The following PRKCE variants were observed in gnomAD, a reference collection of about 807,000 sequenced individuals.
The protein encoded by PRKCE is protein kinase C epsilon type.
Under a neutral mutation model 85.4 loss-of-function variants are expected in PRKCE, and 16 were observed. That is an observed-to-expected ratio of 0.19 (90% CI 0.13 to 0.28). The LOEUF (loss-of-function observed/expected upper bound fraction) is 0.28. Ranked by LOEUF, PRKCE falls within the 10% of genes least tolerant of loss-of-function variation. The probability of loss-of-function intolerance (pLI) is 1.00; values close to 1 mark genes in which losing one functional copy is unlikely to be tolerated. For synonymous variants in PRKCE, 388 were observed against 371.5 expected (o/e 1.04, Z -0.51); for missense variants, 573 against 975.2 (o/e 0.59, Z 5.49).
intron 1 of PRKCE, among the ~76,000 whole-genome samples, chr2:45,721,563 A>G (rs1573063145): frequency 6.6e-6 from 1 of 151,972 alleles, no homozygotes; most frequent in Admixed American, 6.6e-5. Flanking sequence ...CATAGTCCCA[A>G]TTTAGTTTCT....
At chr2:45,684,762 T>G (rs1465931448) in intron 1 of PRKCE, among the ~76,000 whole-genome samples, 6 of 152,152 alleles carry the variant, frequency 3.9e-5, no homozygotes, top group African/African-American at 1.2e-4. Context: ...GAGGTGGCAG[T>G]GCTTTCTGTG....
intron 10 of PRKCE, among the ~76,000 whole-genome samples, chr2:46,012,312 T>G (rs112743574): frequency 1.6e-4 from 24 of 152,200 alleles, no homozygotes; most frequent in African/African-American, 5.5e-4. Context: ...TTCCTTTTTT[T>G]TTTTCTTTTC....
chr2:46,097,436 C>CGT (rs1670803196), intron 11 of PRKCE, among the ~76,000 whole-genome samples: 1 of 150,670 alleles, frequency 6.6e-6, no homozygotes, highest in Non-Finnish European at 1.5e-5. Flanking sequence ...AGGAGAATGG[C>CGT]GTGAACCTGG....
intron 1 of PRKCE, among the ~76,000 whole-genome samples, chr2:45,748,165 G>A (rs546010833): frequency 1.2e-4 from 19 of 152,320 alleles, no homozygotes; most frequent in Middle Eastern, 3.4e-3. Context: ...TCTGAAGGCA[G>A]GCATGTGAAA....
At chr2:46,048,267 G>A (rs927655490) in intron 10 of PRKCE, among the ~76,000 whole-genome samples, 8 of 152,278 alleles carry the variant, frequency 5.3e-5, no homozygotes, top group Middle Eastern at 3.4e-3. Flanking sequence ...CCTTATCTGT[G>A]ACATGGAGAC....
At chr2:46,027,470 T>C (rs1336504298) in intron 10 of PRKCE, among the ~76,000 whole-genome samples, 1 of 152,232 alleles carries the variant, frequency 6.6e-6, no homozygotes, top group African/African-American at 2.4e-5. Flanking sequence ...AACCATGTTC[T>C]ATCTGTCAAG....
At chr2:45,870,596 A>G (rs889716927) in intron 2 of PRKCE, among the ~76,000 whole-genome samples, 1 of 152,164 alleles carries the variant, frequency 6.6e-6, no homozygotes, top group African/African-American at 2.4e-5. Context: ...ATTTCTCTTG[A>G]GCATCATGGA....
intron 1 of PRKCE, among the ~76,000 whole-genome samples, chr2:45,710,151 T>C (rs931687490): frequency 5.3e-5 from 8 of 152,230 alleles, no homozygotes; most frequent in African/African-American, 1.9e-4. Context: ...TGGGCACCGT[T>C]CTTGGACTTT....
At chr2:46,165,115 G>A (rs1299470653) in intron 14 of PRKCE, among the ~76,000 whole-genome samples, 4 of 152,298 alleles carry the variant, frequency 2.6e-5, no homozygotes, top group South Asian at 2.1e-4. Flanking sequence ...GCTGTCACTA[G>A]TCCAACTGGG....
At position 45,976,473 on chromosome 2, in the gene PRKCE, C is replaced by T. The variant is rs781709485; in HGVS notation, c.457C>T (p.Pro153Ser). Residue 153 changes from proline (P) to serine (S), a missense_variant, in exon 3 of 15, where the codon CCG becomes TCG. Coordinates refer to ENST00000306156, the MANE Select transcript of PRKCE (RefSeq NM_005400.3). ...EERVFRERMR[P>S]RKRQGAVRRR... is the part of the protein sequence containing the mutation. ...GCGTGTGTTCAGGGAACGCATGCGG[C>T]CGAGGAAGCGGCAGGGGGCCGTCAG... The T allele has an allele frequency of 2.5e-6, 4 of 1,599,760 alleles. No individual in the cohort carries two copies. Among genetic ancestry groups the T allele is most frequent in the Non-Finnish European group, 3.4e-6 (4 of 1,179,954 alleles).
At chr2:45,668,982 C>T (rs1192879304) in intron 1 of PRKCE, among the ~76,000 whole-genome samples, 1 of 152,146 alleles carries the variant, frequency 6.6e-6, no homozygotes. Context: ...TCACACTAAG[C>T]AACATTTGGG....
At chr2:45,947,297 G>C (rs1700306450) in intron 2 of PRKCE, among the ~76,000 whole-genome samples, 1 of 152,084 alleles carries the variant, frequency 6.6e-6, no homozygotes, top group Non-Finnish European at 1.5e-5. Flanking sequence ...ATTAGTGATT[G>C]CCAGGAGCCA....
chr2:46,152,374 A>G (rs1410474443), intron 13 of PRKCE, among the ~76,000 whole-genome samples: 3 of 151,192 alleles, frequency 2.0e-5, no homozygotes, highest in Non-Finnish European at 4.4e-5. Flanking sequence ...TAGTGACAAG[A>G]TTTCACCATG....
At position 46,121,333 on chromosome 2, in the gene PRKCE, T is replaced by TG. The variant is rs142549595; in HGVS notation, c.1593-23756dup. Among the ~76,000 whole-genome samples, 1,425 of 152,350 alleles carry TG rather than the reference T, an allele frequency of 9.4e-3. 15 individuals are homozygous for TG. Among genetic ancestry groups the TG allele is most frequent in the African/African-American group, 0.032 (1,338 of 41,586 alleles). ...AGGCGTTGTATTGTTTATGGCCTCT[T>TG]GGGGCCAGACTGCCTTGAATGTTTT... On this transcript the variant is annotated intron_variant, in intron 11 of 14. Coordinates refer to ENST00000306156, the MANE Select transcript of PRKCE (RefSeq NM_005400.3).
At chr2:45,938,299 C>G (rs372460625) in intron 2 of PRKCE, among the ~76,000 whole-genome samples, 1 of 152,078 alleles carries the variant, frequency 6.6e-6, no homozygotes, top group South Asian at 2.1e-4. Context: ...TCTGGCAATT[C>G]AATGCATCTT....
chr2:46,087,358 T>C (rs1256927707), intron 11 of PRKCE, among the ~76,000 whole-genome samples: 1 of 152,282 alleles, frequency 6.6e-6, no homozygotes, highest in African/African-American at 2.4e-5. Context: ...AGTTGCCTTA[T>C]ATAAAGGTTG....
intron 11 of PRKCE, among the ~76,000 whole-genome samples, chr2:46,113,170 A>C (rs1165665392): frequency 2.6e-5 from 4 of 152,174 alleles, no homozygotes; most frequent in Non-Finnish European, 5.9e-5. Flanking sequence ...CTATCACTGC[A>C]CCAAGGCTAA....
chr2:45,950,672 G>T (rs564744178), intron 2 of PRKCE, among the ~76,000 whole-genome samples: 2 of 152,108 alleles, frequency 1.3e-5, no homozygotes, highest in Non-Finnish European at 2.9e-5. Context: ...GAGTGAAAAA[G>T]GTTACTTCAA....
At chr2:45,727,663 T>C (rs1050489679) in intron 1 of PRKCE, among the ~76,000 whole-genome samples, 3 of 152,160 alleles carry the variant, frequency 2.0e-5, no homozygotes, top group African/African-American at 7.2e-5. Context: ...TTTTATTTTA[T>C]TTTATTTTTA....
Sources: allele counts gnomAD v4.1 joint callset (sites outside exome capture counted in the v4.1 genomes callset), GRCh38; gene constraint gnomAD v4.1.1; transcripts MANE v1.5; gene names NCBI Gene and HGNC (gene_info 2026-07-23, HGNC 2026-07-21).